The following IRAG1 variants were observed in gnomAD, a reference collection of about 807,000 sequenced individuals.
The protein encoded by IRAG1 is IP3R-associated cGMP kinase substrate.
A neutral mutation model predicts 106.2 loss-of-function variants in IRAG1; 62 were observed. The ratio of observed to expected loss-of-function variants is 0.58; its 90% CI spans 0.48 to 0.72. IRAG1 has a LOEUF of 0.72. Among genes scored for constraint, IRAG1 ranks in the 30% least tolerant of loss-of-function variants. The pLI, the probability that IRAG1 is intolerant of heterozygous loss-of-function variation, is 0.00. For missense variants in IRAG1, 1,064 were observed against 1,140.7 expected (o/e 0.93, Z 0.97); for synonymous variants, 462 against 443.9 (o/e 1.04, Z -0.51).
intron 2 of IRAG1, among the ~76,000 whole-genome samples, chr11:10,640,587 TA>T (rs1857441678): frequency 6.6e-6 from 1 of 152,184 alleles, no homozygotes. Context: ...GGGGAGACAG[TA>T]ATCCAGGAGA....
chr11:10,628,451 C>T lies in IRAG1; in HGVS notation c.652+300G>A, dbSNP rs1446216702. Among the ~76,000 whole-genome samples the T allele has an allele frequency of 1.3e-5, 2 of 152,182 alleles. No homozygotes were observed. Among genetic ancestry groups the T allele is most frequent in the African/African-American group, 4.8e-5 (2 of 41,448 alleles). ...TTTCTGTATAAGCTCTTGAGGGCTT[C>T]TCTGAGCCTCCCTGAGCCAGAGAGG... On this transcript the variant is annotated intron_variant, in intron 6 of 20. Transcript: ENST00000423302. This position sits in a 1 kb window ranked among gnomAD's most constrained non-coding sequence, Gnocchi z 4.1.
chr11:10,601,404 A>G (rs2134316908), intron 14 of IRAG1, among the ~76,000 whole-genome samples: 1 of 152,348 alleles, frequency 6.6e-6, no homozygotes, highest in African/African-American at 2.4e-5. Flanking sequence ...CAGGAGGGAC[A>G]CAGCGTTCAG....
chr11:10,604,133 C>T (rs1037637675), intron 13 of IRAG1, among the ~76,000 whole-genome samples: 6 of 152,140 alleles, frequency 3.9e-5, no homozygotes, highest in Admixed American at 1.3e-4. Context: ...CTATCCCTGG[C>T]GCCTGAAAGT....
chr11:10,680,120 A>G (rs900541437), intron 1 of IRAG1, among the ~76,000 whole-genome samples: 3 of 151,594 alleles, frequency 2.0e-5, no homozygotes, highest in Non-Finnish European at 2.9e-5. Flanking sequence ...TAAAAATACA[A>G]AAATTGGCCA....
chr11:10,621,812 A>C (rs1855856549), intron 10 of IRAG1, among the ~76,000 whole-genome samples: 1 of 152,224 alleles, frequency 6.6e-6, no homozygotes, highest in Non-Finnish European at 1.5e-5. Context: ...GACACGGATG[A>C]ACCTTGAAGA....
chr11:10,679,207 T>C (rs1374880528), intron 1 of IRAG1, among the ~76,000 whole-genome samples: 1 of 152,170 alleles, frequency 6.6e-6, no homozygotes, highest in East Asian at 1.9e-4. Flanking sequence ...ACATTCTCTA[T>C]CCATCAGAAG....
At chr11:10,685,413 T>TC (rs556708919) in intron 1 of IRAG1, among the ~76,000 whole-genome samples, 861 of 77,262 alleles carry the variant, frequency 0.011, 3 homozygotes, top group Middle Eastern at 0.042. Flanking sequence ...AAGATTCCGT[T>TC]CCCAAAAAAA....
At chr11:10,627,781 G>C in intron 7 of IRAG1, 21 bp from the exon 8 acceptor site, 2 of 1,613,940 alleles carry the variant, frequency 1.2e-6, no homozygotes, top group Non-Finnish European at 1.7e-6. Context: ...AGGTGAACAG[G>C]AGTCAGTCAG....
rs1857305553 is a variant in IRAG1 at position 10,638,624 on chromosome 11, G to T, written c.226-4553C>A. On this transcript the variant is annotated intron_variant, in intron 2 of 20. Transcript: ENST00000423302. The stretch of plus-strand genomic sequence containing the variant: ...GTCATATTTAGAGAATTTCTTTCTT[G>T]TATGAGTCCTCTGATGAACAAGAAG... 2.6e-5 allele frequency among the ~76,000 whole-genome samples: 4 copies of T among 152,254 alleles called. 1 individual carries two copies. In the South Asian group the frequency reaches 8.3e-4, roughly 32 times the overall value.
chr11:10,638,428 G>A (rs1011719789), intron 2 of IRAG1, among the ~76,000 whole-genome samples: 6 of 152,160 alleles, frequency 3.9e-5, no homozygotes, highest in African/African-American at 1.4e-4. Flanking sequence ...GAGCACAGGA[G>A]GTTTGTGCTT....
Position 10,652,063 on chromosome 11 carries a change from G to A in IRAG1, c.187C>T (p.Pro63Ser). ...MPHIPEDEEP[P>S]GEPQAAQSPA... ...CTCTGGGCTGCCTGTGGCTCTCCGG[G>A]GGGCTCCTCGTCCTCGGGAATGTGG... Residue 63 changes from proline (P) to serine (S), a missense_variant, in exon 2 of 21, where the codon CCC (proline) becomes TCC (serine). By Grantham distance (74) the Pro-to-Ser change is moderately conservative. Coordinates refer to ENST00000423302, the MANE Select transcript of IRAG1 (RefSeq NM_130385.4). 1 of 1,594,996 alleles carries A rather than the reference G, an allele frequency of 6.3e-7. No individual in the cohort carries two copies. The highest frequency in any genetic ancestry group is 8.5e-7 in the Non-Finnish European group (1 of 1,171,576).
intron 13 of IRAG1, 124 bp downstream of exon 13, chr11:10,604,281 A>G (rs182489984): frequency 8.1e-7 from 1 of 1,232,486 alleles, no homozygotes; most frequent in African/African-American, 1.5e-5. Flanking sequence ...ACACTGTCAG[A>G]GTCTTGGCTC....
Position 10,576,295 on chromosome 11 carries a change from T to C in IRAG1, c.*37A>G. On this transcript the variant is annotated 3_prime_UTR_variant, in exon 21 of 21. Transcript: ENST00000423302. The stretch of plus-strand genomic sequence containing the variant: ...CTTGGGGAAAGGGTGGTAGTCTGAG[T>C]GTCTCAGAGCAGGGCACTGGCTAGG... 1.2e-6 allele frequency: 2 copies of C among 1,609,162 alleles called. No homozygotes were observed. Among genetic ancestry groups the C allele is most frequent in the Non-Finnish European group, 1.7e-6 (2 of 1,177,128 alleles).
rs112441612 is a variant in IRAG1, at chr11:10,629,114, G to A, written c.575-286C>T. Among the ~76,000 whole-genome samples the A allele has an allele frequency of 4.6e-3, 697 of 152,216 alleles. 29 individuals carry two copies. The highest frequency in any genetic ancestry group is 0.033 in the Admixed American group (504 of 15,292). ...CACTGTCCAGAAACTGAGGCCTGGC[G>A]TTGGTTGGCAGGTACAGCTCCAGAG... On this transcript the variant is annotated intron_variant, in intron 5 of 20. Transcript: ENST00000423302.
At chr11:10,615,876 T>C (rs1441436717) in intron 10 of IRAG1, among the ~76,000 whole-genome samples, 2 of 149,456 alleles carry the variant, frequency 1.3e-5, no homozygotes, top group African/African-American at 4.9e-5. Flanking sequence ...GGCACATGTA[T>C]ACATATGTAA....
At chr11:10,678,654 T>C (rs998227963) in intron 1 of IRAG1, among the ~76,000 whole-genome samples, 57 of 152,122 alleles carry the variant, frequency 3.7e-4, no homozygotes, top group African/African-American at 1.4e-3. Flanking sequence ...CTTTGTAAAA[T>C]AGCCACCATC....
chr11:10,667,567 C>T (rs1167579467), intron 1 of IRAG1, among the ~76,000 whole-genome samples: 9 of 152,178 alleles, frequency 5.9e-5, no homozygotes, highest in African/African-American at 2.2e-4. Flanking sequence ...ATTCATTCTA[C>T]ATGTCCAGAT....
chr11:10,583,905 T>G (rs1162023620), intron 18 of IRAG1, among the ~76,000 whole-genome samples: 5 of 151,896 alleles, frequency 3.3e-5, no homozygotes, highest in African/African-American at 1.2e-4. Context: ...GGTCATCTGC[T>G]GAGAGTGAGA....
intron 10 of IRAG1, chr11:10,617,291 T>C: frequency 1.5e-6 from 1 of 647,854 alleles, no homozygotes; most frequent in Non-Finnish European, 1.9e-6. Flanking sequence ...TTTCTTACAA[T>C]AGTACTGCAA....
Sources: gnomAD v4.1 joint callset for allele counts (sites outside exome capture counted in the v4.1 genomes callset) on GRCh38, gnomAD v4.1.1 for gene constraint, Gnocchi (gnomAD v3.1) non-coding constraint, MANE v1.5 for transcripts, NCBI Gene and HGNC (gene_info 2026-07-23, HGNC 2026-07-21) for gene names.